Variants in VCL observed in about 807,000 individuals in gnomAD.
VCL encodes vinculin, also known as epididymis luminal protein 114.
Under a neutral mutation model 125.7 loss-of-function variants are expected in VCL, and 47 were observed. The ratio of observed to expected loss-of-function variants is 0.37; its 90% confidence interval spans 0.30 to 0.48. VCL has a LOEUF of 0.48. VCL is among the 20% of genes least tolerant of loss of function. The probability of loss-of-function intolerance (pLI) is 0.99; values close to 1 mark genes in which losing one functional copy is unlikely to be tolerated. For missense variants in VCL, 1,069 were observed against 1,455.5 expected (o/e 0.73, Z 4.32); for synonymous variants, 458 against 514.6 (o/e 0.89, Z 1.49).
chr10:74,034,086 G>T (rs1012803079), intron 1 of VCL, among the ~76,000 whole-genome samples: 4 of 152,180 alleles, frequency 2.6e-5, no homozygotes, highest in Admixed American at 1.3e-4. Context: ...AGTAATATTT[G>T]TTGATTGAAT....
intron 1 of VCL, chr10:74,016,873 C>T (rs1428167751): frequency 1.3e-5 from 2 of 152,076 alleles, no homozygotes; most frequent in Admixed American, 6.6e-5. Flanking sequence ...AATTTGACTA[C>T]TCTATGTAAG....
intron 1 of VCL, among the ~76,000 whole-genome samples, chr10:74,023,265 C>T (rs10824054): frequency 0.67 from 101,316 of 152,082 alleles, 34,539 homozygotes; most frequent in African/African-American, 0.76. Flanking sequence ...TACTTACAAT[C>T]GTGTTACAGT....
intron 2 of VCL, among the ~76,000 whole-genome samples, chr10:74,046,406 G>A (rs978764229): frequency 6.6e-6 from 1 of 151,986 alleles, no homozygotes; most frequent in Non-Finnish European, 1.5e-5. Context: ...CACTATGCCC[G>A]GACAATTTTT....
intron 8 of VCL, among the ~76,000 whole-genome samples, chr10:74,085,490 T>C (rs1011244267): frequency 1.3e-5 from 2 of 152,216 alleles, no homozygotes; most frequent in African/African-American, 4.8e-5. Context: ...TTCGGATTCA[T>C]AATTATTTAC....
Position 74,009,408 on chromosome 10 carries a change from G to A in VCL, c.168+11033G>A, listed in dbSNP as rs1405517739. 2.2e-4 allele frequency among the ~76,000 whole-genome samples: 34 copies of A among 151,740 alleles called. No individual in the cohort carries two copies. In the East Asian group the frequency reaches 5.5e-3, roughly 24 times the overall value. ...CGAGTAGCTGGGACTACAGGCGCCT[G>A]CCACCACGCCCGGCTAATTTTTTTG... On this transcript the variant is annotated intron_variant, in intron 1 of 21. Coordinates refer to ENST00000211998, the MANE Select transcript of VCL (RefSeq NM_014000.3).
chr10:74,046,255 T>C (rs1431465328), intron 2 of VCL, among the ~76,000 whole-genome samples: 1 of 152,110 alleles, frequency 6.6e-6, no homozygotes, highest in Non-Finnish European at 1.5e-5. Flanking sequence ...TGGTAATATA[T>C]ATATATTTTT....
At chr10:74,098,230 A>G (rs1840001408) in intron 13 of VCL, among the ~76,000 whole-genome samples, 1 of 152,188 alleles carries the variant, frequency 6.6e-6, no homozygotes, top group African/African-American at 2.4e-5. Flanking sequence ...AACCATATCT[A>G]TTAGTTACTG....
At chr10:74,009,368 C>T (rs950823273) in intron 1 of VCL, among the ~76,000 whole-genome samples, 1 of 152,036 alleles carries the variant, frequency 6.6e-6, no homozygotes, top group African/African-American at 2.4e-5. Context: ...ACGCCATTCT[C>T]CCACCTCAGC....
rs1460484736 is a variant in VCL, at chr10:74,071,887, A to AT, written c.499+804_499+805insT. On this transcript the variant is annotated intron_variant, in intron 4 of 21. Coordinates refer to ENST00000211998, the MANE Select transcript of VCL (RefSeq NM_014000.3). The surrounding 1 kb of genome is among the most constrained non-coding windows in gnomAD (Gnocchi z 4.1). ...GGAAATAGGTTTCTCTGGTGGCTTT[A>AT]GAGTAGTCCTCTTAAAATTTCTCAT... 6.6e-6 allele frequency among the ~76,000 whole-genome samples: 1 copy of AT among 152,230 alleles called. No homozygotes were observed. Among genetic ancestry groups the AT allele is most frequent in the African/African-American group, 2.4e-5 (1 of 41,450 alleles).
At position 74,114,846 on chromosome 10, in the gene VCL, G is replaced by T; in HGVS notation, c.3205G>T (p.Val1069Leu). The change falls in exon 21 of 22, where the codon GTG becomes TTG. Residue 1069 changes from valine (V) to leucine (L), a missense_variant. By Grantham distance (32) the Val-to-Leu change is conservative. Transcript: ENST00000211998. ...ISTQLKILST[V>L]KATMLGRTNI... ...CACCCAGCTCAAAATCCTGTCCACAGTGAAGGCCACCATGCTGGGCCGGAC... is the reference window on the plus strand; with the variant it reads ...CACCCAGCTCAAAATCCTGTCCACATTGAAGGCCACCATGCTGGGCCGGAC... 6.2e-7 allele frequency: 1 copy of T among 1,608,962 alleles called. No individual in the cohort carries two copies. Among genetic ancestry groups the T allele is most frequent in the Non-Finnish European group, 8.5e-7 (1 of 1,178,288 alleles).
rs563680624 is a variant in VCL, at chr10:74,110,618, G to C, written c.2746-1291G>C. Among the ~76,000 whole-genome samples, 3 of 152,330 alleles carry C rather than the reference G, an allele frequency of 2.0e-5. No individual in the cohort carries two copies. In the East Asian group the frequency reaches 5.8e-4, roughly 29 times the overall value. The stretch of plus-strand genomic sequence containing the variant: ...GGGTCTTGGTTGAGTTTAGGCAAAA[G>C]AGTTTAGATGGTATCTGAACCCCTT... On this transcript the variant is annotated intron_variant, in intron 18 of 21. Coordinates refer to ENST00000211998, the MANE Select transcript of VCL (RefSeq NM_014000.3).
rs1339862632 is a variant in VCL at position 74,119,590 on chromosome 10, A to G, written c.*1421A>G. On this transcript the variant is annotated 3_prime_UTR_variant, in exon 22 of 22. Transcript: ENST00000211998. ...ATTACTGCTAAGTATTTCCCAGCAC[A>G]TGAAACCTTATTTTTTCCCAAAGCC... The G allele has an allele frequency of 6.6e-6, 1 of 152,246 alleles. No individual in the cohort carries two copies. Among genetic ancestry groups the G allele is most frequent in the Non-Finnish European group, 1.5e-5 (1 of 68,060 alleles). 9.4% of individuals were successfully genotyped at this position (152,246 alleles called of 1,614,324 possible). A position where few individuals can be genotyped will look rare whatever the true frequency, so the allele number is the denominator to read the frequency against.
chr10:74,109,229 A>C, intron 18 of VCL, 73 bp downstream of exon 18: 2 of 1,583,182 alleles, frequency 1.3e-6, no homozygotes, highest in South Asian at 2.2e-5. Flanking sequence ...AAAGACCCAG[A>C]AAGAAGAGTC....
At chr10:74,062,188 C>T (rs1591680939) in intron 2 of VCL, among the ~76,000 whole-genome samples, 1 of 152,066 alleles carries the variant, frequency 6.6e-6, no homozygotes, top group African/African-American at 2.4e-5. Context: ...ACCTCAGCCT[C>T]CTGAGTAGCT....
At chr10:74,094,158 T>A in intron 10 of VCL, 113 bp from the exon 11 acceptor site, 1 of 1,315,822 alleles carries the variant, frequency 7.6e-7, no homozygotes, top group South Asian at 1.4e-5. Context: ...CAAACCAAAT[T>A]AATAGTAATC....
At chr10:74,017,993 T>C (rs1362971528) in intron 1 of VCL, among the ~76,000 whole-genome samples, 2 of 150,592 alleles carry the variant, frequency 1.3e-5, no homozygotes, top group Non-Finnish European at 3.0e-5. Context: ...ACTCCTTCTC[T>C]ACAAAAAGTA....
rs12416686 is a variant in VCL at position 74,101,264 on chromosome 10, C to T, written c.2022+167C>T. ...ACTTTGGGAGGGTGAGGCGGGAGGA[C>T]TGCTTGAGCCTGGGAGTTTGAGACC... is the stretch of plus-strand genomic sequence containing the variant. On this transcript the variant is annotated intron_variant, in intron 14 of 21. Transcript: ENST00000211998. Among the ~76,000 whole-genome samples the T allele has an allele frequency of 0.018, 2,690 of 151,176 alleles. 43 individuals carry two copies. The highest frequency in any genetic ancestry group is 0.025 in the Non-Finnish European group (1,705 of 67,956).
chr10:74,006,687 CTTTGT>C (rs1321325896), intron 1 of VCL, among the ~76,000 whole-genome samples: 1 of 152,108 alleles, frequency 6.6e-6, no homozygotes, highest in Non-Finnish European at 1.5e-5. Context: ...GAAGTCAAAA[CTTTGT>C]TTCATGCACA....
At chr10:74,092,017 T>C (rs1839897406) in intron 10 of VCL, among the ~76,000 whole-genome samples, 1 of 151,986 alleles carries the variant, frequency 6.6e-6, no homozygotes, top group Non-Finnish European at 1.5e-5. Flanking sequence ...CAAGTGATTC[T>C]CCTGCCTCAG....
Sources: allele counts gnomAD v4.1 joint callset (sites outside exome capture counted in the v4.1 genomes callset), GRCh38; gene constraint gnomAD v4.1.1; non-coding constraint Gnocchi (gnomAD v3.1); transcripts MANE v1.5; gene names NCBI Gene and HGNC (gene_info 2026-07-23, HGNC 2026-07-21).